TBC1D22A: variants seen among roughly 807,000 people sequenced by gnomAD.
TBC1D22A encodes the protein TBC1 domain family member 22A.
TBC1D22A carries 38 observed loss-of-function variants against 60.2 expected under a neutral mutation model. The observed-to-expected ratio is 0.63, with a 90% CI of 0.49 to 0.83. The LOEUF (loss-of-function observed/expected upper bound fraction) is 0.83, where lower values mean the gene tolerates loss of function less well. TBC1D22A is among the 40% of genes least tolerant of loss of function. The probability of loss-of-function intolerance (pLI) is 0.00; values close to 1 mark genes in which losing one functional copy is unlikely to be tolerated. For synonymous variants in TBC1D22A, 302 were observed against 281.7 expected, an observed-to-expected ratio of 1.07 and a Z score of -0.72; for missense variants, 628 against 701.0, an observed-to-expected ratio of 0.90 and a Z score of 1.18.
chr22:46,804,197 T>C (rs1349454971), intron 4 of TBC1D22A, among the ~76,000 whole-genome samples: 1 of 152,240 alleles, frequency 6.6e-6, no homozygotes, highest in Non-Finnish European at 1.5e-5. Context: ...CCCTCAAAGC[T>C]TGCCCCCGGC....
intron 10 of TBC1D22A, among the ~76,000 whole-genome samples, chr22:47,029,876 G>A (rs7290110): frequency 0.051 from 7,800 of 152,340 alleles, 321 homozygotes; most frequent in African/African-American, 0.11. Context: ...TTCCCCCAGA[G>A]TGGCCTGGGC....
chr22:46,871,579 A>G (rs1465794341), intron 4 of TBC1D22A, among the ~76,000 whole-genome samples: 4 of 152,252 alleles, frequency 2.6e-5, no homozygotes, highest in East Asian at 1.9e-4. Flanking sequence ...ATATTTGGAA[A>G]TTTACCTGCA....
intron 12 of TBC1D22A, among the ~76,000 whole-genome samples, chr22:47,152,108 G>A (rs183870084): frequency 6.6e-6 from 1 of 152,234 alleles, no homozygotes; most frequent in Admixed American, 6.5e-5. Flanking sequence ...CGGTCCTAGG[G>A]CTCCACGGTT....
At chr22:46,907,313 C>T (rs1399229922) in intron 7 of TBC1D22A, among the ~76,000 whole-genome samples, 1 of 152,194 alleles carries the variant, frequency 6.6e-6, no homozygotes, top group African/African-American at 2.4e-5. Flanking sequence ...GTTACTTCTG[C>T]CCCTTCCTCT....
At chr22:46,965,310 C>T (rs136099) in intron 8 of TBC1D22A, among the ~76,000 whole-genome samples, 28,717 of 152,196 alleles carry the variant, frequency 0.19, 2,913 homozygotes, top group East Asian at 0.27. Flanking sequence ...CGGGGTGCCC[C>T]GCCCATTCTC....
chr22:47,160,458 G>A (rs527314645), intron 12 of TBC1D22A, among the ~76,000 whole-genome samples: 8 of 152,304 alleles, frequency 5.3e-5, no homozygotes, highest in Non-Finnish European at 1.0e-4. Context: ...CAGGGCCGCC[G>A]GTAGCTGACG....
At chr22:46,961,954 G>C (rs547137099) in intron 8 of TBC1D22A, among the ~76,000 whole-genome samples, 1 of 152,298 alleles carries the variant, frequency 6.6e-6, no homozygotes, top group Admixed American at 6.5e-5. Context: ...TGGATTGTTT[G>C]GTTTCCTGCA....
intron 8 of TBC1D22A, among the ~76,000 whole-genome samples, chr22:46,972,429 G>A (rs1466049019): frequency 6.6e-6 from 1 of 152,304 alleles, no homozygotes; most frequent in Admixed American, 6.5e-5. Flanking sequence ...GAGACGCGGC[G>A]TGGCCTGGCC....
At chr22:46,993,586 G>A (rs734237) in intron 9 of TBC1D22A, among the ~76,000 whole-genome samples, 37,385 of 152,132 alleles carry the variant, frequency 0.25, 4,926 homozygotes, top group East Asian at 0.29. Flanking sequence ...TGTGGGAGGC[G>A]GGGTGCTGGG....
chr22:47,150,569 C>T (rs1322304851), intron 12 of TBC1D22A, among the ~76,000 whole-genome samples: 1 of 152,226 alleles, frequency 6.6e-6, no homozygotes, highest in East Asian at 1.9e-4. Flanking sequence ...TGCCGAGCCG[C>T]CTCTGCACCT....
intron 8 of TBC1D22A, among the ~76,000 whole-genome samples, chr22:46,948,336 T>G (rs1351164913): frequency 1.3e-5 from 2 of 152,184 alleles, no homozygotes; most frequent in African/African-American, 2.4e-5. Context: ...GTATTAGAGT[T>G]TCCCACCAAC....
chr22:46,772,196 T>C (rs1230494211), intron 1 of TBC1D22A, among the ~76,000 whole-genome samples: 2 of 4 alleles, frequency 0.5, 1 homozygote, highest in African/African-American at 1. Flanking sequence ...TATACACACA[T>C]ATACATATAT....
chr22:47,044,993 C>T (rs780576157), intron 11 of TBC1D22A, among the ~76,000 whole-genome samples: 13 of 152,222 alleles, frequency 8.5e-5, no homozygotes, highest in Non-Finnish European at 1.0e-4. Context: ...GTCTGGGCGC[C>T]TCCAGGAAAG....
intron 12 of TBC1D22A, among the ~76,000 whole-genome samples, chr22:47,120,752 T>C (rs970729399): frequency 1.3e-5 from 2 of 152,198 alleles, no homozygotes; most frequent in Admixed American, 1.3e-4. Context: ...AAAGCAGGTC[T>C]CCTCTGAAAA....
Position 47,057,726 on chromosome 22 carries a change from G to A in TBC1D22A, c.1329+20528G>A, listed in dbSNP as rs115239742. On this transcript the variant is annotated intron_variant, in intron 11 of 12. Transcript: ENST00000337137. ...TCTCATGAGACTTACTCACTATCGC[G>A]AGAATAGCACAGGAAAACCATTCCC... 5.0e-3 allele frequency among the ~76,000 whole-genome samples: 755 copies of A among 152,208 alleles called. 8 individuals are homozygous for A. The highest frequency in any genetic ancestry group is 0.018 in the African/African-American group (728 of 41,536).
At chr22:47,104,461 A>G (rs2065544789) in intron 11 of TBC1D22A, among the ~76,000 whole-genome samples, 1 of 133,912 alleles carries the variant, frequency 7.5e-6, no homozygotes, top group African/African-American at 3.1e-5. Flanking sequence ...TTGGGAGGGC[A>G]AGGCAAGTGG....
chr22:47,026,594 T>C (rs1302414829), intron 10 of TBC1D22A, among the ~76,000 whole-genome samples: 1 of 152,228 alleles, frequency 6.6e-6, no homozygotes. Flanking sequence ...AAATAAACTT[T>C]ATTTTTGTAT....
intron 1 of TBC1D22A, among the ~76,000 whole-genome samples, 182 bp from the exon 2 acceptor site, chr22:46,792,338 C>T (rs1431404531): frequency 2.0e-5 from 3 of 152,104 alleles, no homozygotes; most frequent in Non-Finnish European, 4.4e-5. Flanking sequence ...TGGTGCCACT[C>T]ATCCCTTCTG....
At chr22:47,171,103 G>C (rs59513473) in intron 12 of TBC1D22A, among the ~76,000 whole-genome samples, 5,336 of 152,260 alleles carry the variant, frequency 0.035, 287 homozygotes, top group African/African-American at 0.12. Context: ...TATGTGGAGA[G>C]CCTGCCATCC....
Sources: gnomAD v4.1 joint callset for allele counts (sites outside exome capture counted in the v4.1 genomes callset) on GRCh38, gnomAD v4.1.1 for gene constraint, MANE v1.5 for transcripts, NCBI Gene and HGNC (gene_info 2026-07-23, HGNC 2026-07-21) for gene names.